POU2F1: variants seen among roughly 807,000 people sequenced by gnomAD.
POU2F1 encodes the protein POU domain, class 2, transcription factor 1.
POU2F1 carries 16 observed loss-of-function variants against 84.9 expected under a neutral mutation model. The observed-to-expected ratio is 0.19, with a 90% CI of 0.13 to 0.29. The LOEUF (loss-of-function observed/expected upper bound fraction) is 0.29, where lower values mean the gene tolerates loss of function less well. POU2F1 is among the 10% of genes least tolerant of loss of function. The pLI is 1.00. For synonymous variants in POU2F1, 368 were observed against 368.3 expected (o/e 1.00, Z 0.01); for missense variants, 738 against 942.6 (o/e 0.78, Z 2.84).
At chr1:167,307,486 CTG>C (rs1655156064) in intron 1 of POU2F1, among the ~76,000 whole-genome samples, 1 of 141,344 alleles carries the variant, frequency 7.1e-6, no homozygotes, top group Non-Finnish European at 1.5e-5. Context: ...AAAAAAAAAA[CTG>C]TATAGTGGTT....
At chr1:167,383,668 A>C (rs1286860956) in intron 7 of POU2F1, 189 bp from the exon 8 acceptor site, 1 of 524,072 alleles carries the variant, frequency 1.9e-6, no homozygotes, top group African/African-American at 1.9e-5. Context: ...TTAATGTTGT[A>C]TATCTTCTCT....
chr1:167,416,416 A>G lies in POU2F1; in HGVS notation c.*606A>G, dbSNP rs188962278. ...GTTGTTGTTATTGTTTTATATATAT[A>G]GTTTGGACATGTTTATTATCTCTTG... On this transcript the variant is annotated 3_prime_UTR_variant, in exon 16 of 16. Transcript: ENST00000367866. The G allele has an allele frequency of 1.2e-5, 2 of 172,526 alleles. No homozygotes were observed. Among genetic ancestry groups the G allele is most frequent in the East Asian group, 3.5e-4 (2 of 5,790 alleles). 10.7% of individuals were successfully genotyped at this position (172,526 alleles called of 1,614,324 possible). A position where few individuals can be genotyped will look rare whatever the true frequency, so the allele number is the denominator to read the frequency against.
chr1:167,367,378 C>T (rs1659752215), intron 3 of POU2F1, among the ~76,000 whole-genome samples: 2 of 152,076 alleles, frequency 1.3e-5, no homozygotes, highest in African/African-American at 4.8e-5. Flanking sequence ...CCAAAGAACC[C>T]CATAATACAA....
intron 1 of POU2F1, among the ~76,000 whole-genome samples, chr1:167,300,718 C>T (rs1654630840): frequency 6.6e-6 from 1 of 152,118 alleles, no homozygotes. Context: ...CCACCTCGGC[C>T]TCCCAAAGTG....
intron 1 of POU2F1, among the ~76,000 whole-genome samples, chr1:167,315,126 C>T (rs1265380681): frequency 6.6e-5 from 10 of 152,172 alleles, no homozygotes; most frequent in East Asian, 3.8e-4. Context: ...ATACAGCCTG[C>T]GGAACCTGAG....
At position 167,237,905 on chromosome 1, in the gene POU2F1, G is replaced by A. The variant is rs373915528; in HGVS notation, c.61+16947G>A. On this transcript the variant is annotated intron_variant, in intron 1 of 15. Transcript: ENST00000367866. ...AGCGATTCTCCTGCTTCAGCCTCCC[G>A]AGTAGCTGGGATTACAAGTGCGTGC... is the stretch of plus-strand genomic sequence containing the variant. 4.8e-5 allele frequency among the ~76,000 whole-genome samples: 7 copies of A among 146,628 alleles called. No individual in the cohort carries two copies. In the East Asian group the frequency reaches 1.1e-3, roughly 22 times the overall value.
chr1:167,396,496 G>A, intron 10 of POU2F1, 69 bp downstream of exon 10: 3 of 1,485,188 alleles, frequency 2.0e-6, no homozygotes, highest in Non-Finnish European at 2.8e-6. Flanking sequence ...TATATAAATT[G>A]GGGTTTATAT....
intron 8 of POU2F1, chr1:167,387,337 C>T: frequency 2.4e-6 from 1 of 409,710 alleles, no homozygotes; most frequent in South Asian, 1.7e-5. Context: ...TTAAGACTCA[C>T]CTGTAACTGT....
chr1:167,415,938 GGA>G lies in POU2F1; in HGVS notation c.*131_*132del. 6.3e-6 allele frequency: 4 copies of G among 631,286 alleles called. No homozygotes were observed. Among genetic ancestry groups the G allele is most frequent in the African/African-American group, 1.9e-5 (1 of 53,074 alleles). 39.1% of individuals were successfully genotyped at this position (631,286 alleles called of 1,614,324 possible). ...GTGTTGTGAGGGCAAAGGAGAGAAG[GGA>G]GAAAAAAAAAAAAAAACCACACACA... On this transcript the variant is annotated 3_prime_UTR_variant, in exon 16 of 16. Transcript: ENST00000367866.
intron 2 of POU2F1, among the ~76,000 whole-genome samples, chr1:167,356,609 A>G (rs1176995256): frequency 2.0e-5 from 3 of 152,162 alleles, no homozygotes; most frequent in East Asian, 1.9e-4. Flanking sequence ...AGCAACTTCA[A>G]TTCTTGCCTC....
chr1:167,370,914 C>G (rs1659964734), intron 4 of POU2F1, among the ~76,000 whole-genome samples: 1 of 152,168 alleles, frequency 6.6e-6, no homozygotes, highest in Non-Finnish European at 1.5e-5. Context: ...ACATTGCCCT[C>G]TTAATATTTC....
chr1:167,379,264 A>G (rs565075258), intron 7 of POU2F1: 4 of 152,312 alleles, frequency 2.6e-5, no homozygotes, highest in Admixed American at 6.5e-5. Context: ...GAATGGCCCA[A>G]TATCTTCCAA....
intron 1 of POU2F1, among the ~76,000 whole-genome samples, chr1:167,265,015 A>G (rs1387484255): frequency 1.3e-5 from 2 of 152,054 alleles, no homozygotes; most frequent in Non-Finnish European, 2.9e-5. Context: ...TCCATACCAG[A>G]CCCCATCCCT....
At chr1:167,338,304 C>G (rs1189037865) in intron 2 of POU2F1, 1 of 453,886 alleles carries the variant, frequency 2.2e-6, no homozygotes, top group Admixed American at 2.4e-5. Context: ...GCTTACTTTA[C>G]TGTAAGAATA....
chr1:167,392,628 C>T (rs115434422), intron 9 of POU2F1, among the ~76,000 whole-genome samples: 138 of 152,202 alleles, frequency 9.1e-4, no homozygotes, highest in African/African-American at 3.3e-3. Context: ...TTTTTCTCTC[C>T]CTCCGCACAT....
intron 13 of POU2F1, among the ~76,000 whole-genome samples, chr1:167,408,468 A>T (rs191076905): frequency 7.2e-5 from 11 of 152,348 alleles, no homozygotes; most frequent in Non-Finnish European, 1.6e-4. Flanking sequence ...AGTGCTCATC[A>T]ACTGGTGAAT....
chr1:167,376,172 A>G lies in POU2F1; in HGVS notation c.718+17A>G, dbSNP rs746425474. On this transcript the variant is annotated intron_variant, in intron 7 of 15. Transcript: ENST00000367866. Reference sequence around the variant, plus strand: ...GCCAGCAGGGTGAGCTCCTCCTTAGAGCTTATTAGTGGTATACCAAGGCTG... The same window carrying G: ...GCCAGCAGGGTGAGCTCCTCCTTAGGGCTTATTAGTGGTATACCAAGGCTG... 1.9e-6 allele frequency: 3 copies of G among 1,613,780 alleles called. No homozygotes were observed. The South Asian group carries it at 3.3e-5, about 18-fold the overall frequency.
chr1:167,262,525 G>T (rs919656337), intron 1 of POU2F1, among the ~76,000 whole-genome samples: 10 of 152,212 alleles, frequency 6.6e-5, no homozygotes, highest in Admixed American at 1.3e-4. Flanking sequence ...AACAGTTTAA[G>T]TTATAAATAT....
rs548059242 is a variant in POU2F1 at position 167,294,108 on chromosome 1, G to A, written c.62-38362G>A. 1.6e-3 allele frequency among the ~76,000 whole-genome samples: 237 copies of A among 148,094 alleles called. 3 individuals are homozygous for A. Among genetic ancestry groups the A allele is most frequent in the South Asian group, 5.6e-3 (26 of 4,674 alleles). ...AGCACTTTGGGAGGCCGAGGCGGGC[G>A]GATCACAAGGTCAGGAGATCAAGAC... On this transcript the variant is annotated intron_variant, in intron 1 of 15. Coordinates refer to ENST00000367866, the MANE Select transcript of POU2F1 (RefSeq NM_002697.4).
Sources: allele counts gnomAD v4.1 joint callset (sites outside exome capture counted in the v4.1 genomes callset), GRCh38; gene constraint gnomAD v4.1.1; transcripts MANE v1.5; gene names NCBI Gene and HGNC (gene_info 2026-07-23, HGNC 2026-07-21).